Variants in LRMDA observed in about 807,000 individuals in gnomAD.
LRMDA encodes the protein leucine-rich melanocyte differentiation-associated protein.
LRMDA carries 18 observed loss-of-function variants against 29.8 expected under a neutral mutation model. The ratio of observed to expected loss-of-function variants is 0.60; its 90% confidence interval spans 0.42 to 0.90. The LOEUF (loss-of-function observed/expected upper bound fraction) is 0.90, where lower values mean the gene tolerates loss of function less well. LRMDA is among the 40% of genes least tolerant of loss of function. The pLI is 0.00. For missense variants in LRMDA, 273 were observed against 273.9 expected (o/e 1.00, Z 0.02); for synonymous variants, 125 against 109.4 (o/e 1.14, Z -0.89).
At chr10:76,491,836 CT>C (rs1842836530) in intron 6 of LRMDA, among the ~76,000 whole-genome samples, 1 of 151,918 alleles carries the variant, frequency 6.6e-6, no homozygotes, top group Non-Finnish European at 1.5e-5. Context: ...AGGCTATTTT[CT>C]AGATTTTATA....
At chr10:75,623,945 A>G (rs953731776) in intron 2 of LRMDA, among the ~76,000 whole-genome samples, 2 of 152,196 alleles carry the variant, frequency 1.3e-5, no homozygotes, top group Non-Finnish European at 2.9e-5. Context: ...TAACCATGCA[A>G]TCTATCAGAG....
intron 5 of LRMDA, among the ~76,000 whole-genome samples, chr10:76,219,574 A>G (rs1851791773): frequency 1.3e-5 from 2 of 152,226 alleles, no homozygotes; most frequent in Admixed American, 1.3e-4. Context: ...AACTATCCTA[A>G]ATATATATGC....
At chr10:75,648,213 G>A (rs1244576278) in intron 2 of LRMDA, among the ~76,000 whole-genome samples, 1 of 152,136 alleles carries the variant, frequency 6.6e-6, no homozygotes, top group East Asian at 1.9e-4. Context: ...AGGATAACAA[G>A]GCTGAATGTT....
intron 2 of LRMDA, among the ~76,000 whole-genome samples, chr10:75,589,442 TG>T (rs1458239286): frequency 3.3e-5 from 5 of 152,222 alleles, no homozygotes; most frequent in African/African-American, 4.8e-5. Context: ...CATTTTTCTT[TG>T]GGTTTTTGTC....
intron 6 of LRMDA, among the ~76,000 whole-genome samples, chr10:76,534,254 G>A (rs1843268330): frequency 1.3e-5 from 2 of 152,150 alleles, no homozygotes; most frequent in Non-Finnish European, 2.9e-5. Context: ...TGCTTTTGGG[G>A]TACCAAGCTA....
intron 5 of LRMDA, among the ~76,000 whole-genome samples, chr10:76,271,159 G>A (rs1445132923): frequency 1.3e-5 from 2 of 152,198 alleles, no homozygotes; most frequent in African/African-American, 2.4e-5. Context: ...TGTAATCCCA[G>A]TACTTTGGGA....
chr10:75,828,300 G>A (rs1346418897), intron 2 of LRMDA, among the ~76,000 whole-genome samples: 5 of 152,100 alleles, frequency 3.3e-5, no homozygotes, highest in East Asian at 3.9e-4. Flanking sequence ...GGAGTTGTTG[G>A]TAGGTGAAAA....
chr10:75,599,577 G>A (rs565785280), intron 2 of LRMDA, among the ~76,000 whole-genome samples: 2 of 152,244 alleles, frequency 1.3e-5, no homozygotes, highest in Admixed American at 1.3e-4. Context: ...CCATGGAGAC[G>A]GCGGGTAGTA....
intron 5 of LRMDA, among the ~76,000 whole-genome samples, chr10:76,299,271 C>A (rs2132358159): frequency 6.6e-6 from 1 of 152,102 alleles, no homozygotes; most frequent in East Asian, 1.9e-4. Flanking sequence ...AGGAGTCCTG[C>A]AGTTTGCATG....
At chr10:76,508,157 TG>T (rs1299618592) in intron 6 of LRMDA, among the ~76,000 whole-genome samples, 1 of 152,182 alleles carries the variant, frequency 6.6e-6, no homozygotes, top group African/African-American at 2.4e-5. Context: ...CTCCCAGTTG[TG>T]GTGATACCAG....
At chr10:75,716,158 A>C (rs1364726732) in intron 2 of LRMDA, among the ~76,000 whole-genome samples, 1 of 152,162 alleles carries the variant, frequency 6.6e-6, no homozygotes, top group African/African-American at 2.4e-5. Flanking sequence ...TTTTGAAGTA[A>C]ACTCTACTGC....
At chr10:75,954,252 C>T (rs1425929628) in intron 2 of LRMDA, among the ~76,000 whole-genome samples, 1 of 152,098 alleles carries the variant, frequency 6.6e-6, no homozygotes, top group Non-Finnish European at 1.5e-5. Context: ...CTTGTGATAC[C>T]CTGAGCATAG....
intron 2 of LRMDA, among the ~76,000 whole-genome samples, chr10:75,579,441 AC>A (rs1234255662): frequency 6.6e-6 from 1 of 152,232 alleles, no homozygotes; most frequent in Non-Finnish European, 1.5e-5. Context: ...TAGCCTACCA[AC>A]CAAAAAAGTC....
At chr10:76,269,968 G>C (rs1840047598) in intron 5 of LRMDA, among the ~76,000 whole-genome samples, 1 of 152,174 alleles carries the variant, frequency 6.6e-6, no homozygotes, top group Non-Finnish European at 1.5e-5. Flanking sequence ...ATGAATGTTA[G>C]TACATTTCTC....
chr10:75,911,087 T>C (rs1474906604), intron 2 of LRMDA, among the ~76,000 whole-genome samples: 1 of 152,174 alleles, frequency 6.6e-6, no homozygotes, highest in Non-Finnish European at 1.5e-5. Context: ...GATGAATGAC[T>C]GACAGGTGAC....
At chr10:75,720,394 TA>T (rs1236094104) in intron 2 of LRMDA, among the ~76,000 whole-genome samples, 2 of 152,216 alleles carry the variant, frequency 1.3e-5, no homozygotes, top group African/African-American at 4.8e-5. Flanking sequence ...ATCTATGAAA[TA>T]AAAGGCTTGC....
rs112339402 is a variant in LRMDA at position 76,117,879 on chromosome 10, T to C, written c.516+59096T>C. On this transcript the variant is annotated intron_variant, in intron 5 of 6. Coordinates refer to ENST00000611255, the MANE Select transcript of LRMDA (RefSeq NM_001305581.2). ...TTTAGTACAGAGTTCATTGGTTGCT[T>C]TGGAGGATCATGAAGTGCTTGTGCC... 5.9e-5 allele frequency among the ~76,000 whole-genome samples: 9 copies of C among 152,334 alleles called. 1 individual carries two copies. The highest frequency in any genetic ancestry group is 1.7e-4 in the African/African-American group (7 of 41,580).
intron 5 of LRMDA, among the ~76,000 whole-genome samples, chr10:76,110,404 G>A (rs1341870880): frequency 6.6e-6 from 1 of 152,184 alleles, no homozygotes; most frequent in African/African-American, 2.4e-5. Flanking sequence ...ACCCCTTGCA[G>A]TCTACTCTGC....
At chr10:75,994,035 C>G (rs1180597709) in intron 2 of LRMDA, among the ~76,000 whole-genome samples, 3 of 152,224 alleles carry the variant, frequency 2.0e-5, no homozygotes, top group Non-Finnish European at 4.4e-5. Flanking sequence ...AGGCCCCAAT[C>G]CCTCACCTAA....
Sources: gnomAD v4.1 joint callset for allele counts (sites outside exome capture counted in the v4.1 genomes callset) on GRCh38, gnomAD v4.1.1 for gene constraint, MANE v1.5 for transcripts, NCBI Gene and HGNC (gene_info 2026-07-23, HGNC 2026-07-21) for gene names.